Variants in ITPR2 observed in about 807,000 individuals in gnomAD.
ITPR2 encodes inositol 1,4,5-trisphosphate receptor type 2, also known as inositol 1,4,5-trisphosphate-gated calcium channel ITPR2.
Under a neutral mutation model 317.1 loss-of-function variants are expected in ITPR2, and 207 were observed. The observed-to-expected ratio is 0.65, with a 90% CI of 0.58 to 0.73. The LOEUF (loss-of-function observed/expected upper bound fraction) is 0.73. ITPR2 is among the 30% of genes least tolerant of loss of function. The probability of loss-of-function intolerance (pLI) is 0.00; values close to 1 mark genes in which losing one functional copy is unlikely to be tolerated. For missense variants in ITPR2, 2,613 were observed against 3,284.0 expected (o/e 0.80, Z 4.99); for synonymous variants, 1,156 against 1,149.1 (o/e 1.01, Z -0.12).
intron 14 of ITPR2, 122 bp downstream of exon 14, chr12:26,665,788 G>A: frequency 4.7e-6 from 4 of 844,116 alleles, no homozygotes; most frequent in Non-Finnish European, 7.3e-6. Context: ...GAAGTATCTT[G>A]TTTTCAGCCA....
intron 8 of ITPR2, among the ~76,000 whole-genome samples, chr12:26,711,484 T>G (rs1055559882): frequency 3.3e-5 from 5 of 152,190 alleles, no homozygotes; most frequent in Non-Finnish European, 7.4e-5. Flanking sequence ...ATGACACTTG[T>G]GCCTTACATC....
In ITPR2 at chr12:26,424,776, TTGAAACAG is replaced by T. The variant is rs1008930610; in HGVS notation, c.6945+3129_6945+3136del. 1.4e-3 allele frequency among the ~76,000 whole-genome samples: 212 copies of T among 151,722 alleles called. 2 individuals are homozygous for T. The highest frequency in any genetic ancestry group is 7.4e-4 in the Non-Finnish European group (50 of 67,834). Reference sequence around the variant, plus strand: ...AGCTAATTTTTGTTTTGTTTTGTTTTTGAAACAGAATCCCATTTTGTCACCCAGGCAGT... The same window carrying T: ...AGCTAATTTTTGTTTTGTTTTGTTTTAATCCCATTTTGTCACCCAGGCAGT... On this transcript the variant is annotated intron_variant, in intron 49 of 56. Transcript: ENST00000381340.
intron 34 of ITPR2, among the ~76,000 whole-genome samples, chr12:26,578,207 C>A (rs1309975303): frequency 2.0e-5 from 3 of 151,842 alleles, no homozygotes; most frequent in African/African-American, 7.3e-5. Flanking sequence ...CACCCCACCC[C>A]CATACACAGA....
intron 26 of ITPR2, among the ~76,000 whole-genome samples, chr12:26,605,293 T>C (rs1591953583): frequency 2.6e-5 from 4 of 151,870 alleles, no homozygotes; most frequent in South Asian, 4.2e-4. Context: ...AAATAGTTAA[T>C]TGATGAGAAG....
chr12:26,757,995 C>A (rs932248795), intron 2 of ITPR2, among the ~76,000 whole-genome samples: 30 of 152,178 alleles, frequency 2.0e-4, no homozygotes, highest in African/African-American at 7.2e-4. Flanking sequence ...AATTTGAATT[C>A]TAAGGAATAG....
intron 32 of ITPR2, among the ~76,000 whole-genome samples, chr12:26,591,896 G>A (rs1945718605): frequency 6.6e-6 from 1 of 151,576 alleles, no homozygotes; most frequent in South Asian, 2.1e-4. Flanking sequence ...TCTCACTTCT[G>A]GATATATTCC....
chr12:26,669,912 G>T (rs1052970613), intron 13 of ITPR2, among the ~76,000 whole-genome samples: 1 of 152,242 alleles, frequency 6.6e-6, no homozygotes, highest in East Asian at 1.9e-4. Context: ...CACATGGCTG[G>T]GAGGGTCCTA....
At chr12:26,811,853 G>GA (rs35083731) in intron 1 of ITPR2, among the ~76,000 whole-genome samples, 1,497 of 71,768 alleles carry the variant, frequency 0.021, 27 homozygotes, top group African/African-American at 0.047. Flanking sequence ...GACTCCGTCT[G>GA]AAAAAAAAAA....
At chr12:26,402,674 C>G (rs12316095) in intron 52 of ITPR2, among the ~76,000 whole-genome samples, 5,586 of 152,296 alleles carry the variant, frequency 0.037, 304 homozygotes, top group African/African-American at 0.13. Context: ...AATCAGTACA[C>G]ATGCATGCTG....
intron 55 of ITPR2, among the ~76,000 whole-genome samples, chr12:26,359,776 C>T (rs1938763185): frequency 6.6e-6 from 1 of 151,988 alleles, no homozygotes; most frequent in African/African-American, 2.4e-5. Flanking sequence ...CCAGAGTTAA[C>T]ACATTTTCAG....
At chr12:26,733,450 G>T (rs1359311378) in intron 2 of ITPR2, among the ~76,000 whole-genome samples, 5 of 151,720 alleles carry the variant, frequency 3.3e-5, no homozygotes, top group Admixed American at 3.3e-4. Flanking sequence ...ATATTATCAA[G>T]ATACATATAC....
chr12:26,753,232 G>A (rs910290865), intron 2 of ITPR2, among the ~76,000 whole-genome samples: 1 of 152,098 alleles, frequency 6.6e-6, no homozygotes, highest in Non-Finnish European at 1.5e-5. Flanking sequence ...TAAGACTTAG[G>A]GGGTTAAAGG....
At chr12:26,695,553 T>G in intron 10 of ITPR2, 53 bp downstream of exon 10, 1 of 1,473,164 alleles carries the variant, frequency 6.8e-7, no homozygotes, top group Admixed American at 1.7e-5. Context: ...TCTATCCATA[T>G]AAAATAATAA....
chr12:26,811,602 G>T (rs1950749374), intron 1 of ITPR2, among the ~76,000 whole-genome samples: 1 of 151,444 alleles, frequency 6.6e-6, no homozygotes, highest in Non-Finnish European at 1.5e-5. Flanking sequence ...CAGGAGAATG[G>T]CATGAACCCG....
At position 26,600,049 on chromosome 12, in the gene ITPR2, G is replaced by A. The variant is rs1351836294; in HGVS notation, c.3739C>T (p.Arg1247Ter). The change falls in exon 29 of 57, where the codon CGA (arginine) becomes TGA (stop). Residue 1247 changes from arginine (R) to a stop codon, truncating the protein, a stop_gained. Transcript: ENST00000381340. LOFTEE classifies it high-confidence loss of function. ...LAHTFLQNFC[R>*]GNPQNQVLLH... Reference sequence around the variant, plus strand: ...AGAACTTGATTCTGTGGATTTCCTCGACAGAAATTCTGCAGAAATGTATGG... The same window carrying A: ...AGAACTTGATTCTGTGGATTTCCTCAACAGAAATTCTGCAGAAATGTATGG... 3 of 1,603,744 alleles carry A rather than the reference G, an allele frequency of 1.9e-6. No homozygotes were observed. Among genetic ancestry groups the A allele is most frequent in the East Asian group, 2.2e-5 (1 of 44,766 alleles).
At position 26,556,260 on chromosome 12, in the gene ITPR2, C is replaced by A; in HGVS notation, c.4937G>T (p.Arg1646Ile). ...CGACATGAAAGCGCCACATCTTATTCTTGCATCGCTTCCCTCAGGGAACAG... is the reference window on the plus strand; with the variant it reads ...CGACATGAAAGCGCCACATCTTATTATTGCATCGCTTCCCTCAGGGAACAG... ...ELLFPEGSDA[R>I]IRCGAFMSKL... is the part of the protein sequence containing the mutation. The change falls in exon 36 of 57, where the codon AGA becomes ATA. Residue 1646 changes from arginine to isoleucine, a missense_variant. Arg to Ile is a moderately conservative substitution (Grantham distance 97). Around this residue, in one of 9 missense-constraint regions of ITPR2, gnomAD observed 926 missense variants for 1,072.8 expected, o/e 0.86. Transcript: ENST00000381340. 1 of 1,613,802 alleles carries A rather than the reference C, an allele frequency of 6.2e-7. No homozygotes were observed. The highest frequency in any genetic ancestry group is 1.1e-5 in the South Asian group (1 of 90,974).
intron 49 of ITPR2, among the ~76,000 whole-genome samples, chr12:26,422,089 T>A (rs1213656104): frequency 6.6e-6 from 1 of 150,858 alleles, no homozygotes; most frequent in African/African-American, 2.4e-5. Flanking sequence ...TTGCTAATTA[T>A]TTATGAAATT....
intron 2 of ITPR2, among the ~76,000 whole-genome samples, chr12:26,737,616 T>C (rs971712234): frequency 2.6e-5 from 4 of 152,130 alleles, no homozygotes; most frequent in Non-Finnish European, 4.4e-5. Context: ...GGAGTTCATG[T>C]TGTGCATTTA....
chr12:26,577,507 A>T (rs1157610412), intron 34 of ITPR2, among the ~76,000 whole-genome samples: 4 of 152,146 alleles, frequency 2.6e-5, no homozygotes, highest in African/African-American at 9.7e-5. Flanking sequence ...TTACCCTTAG[A>T]TGTTTAATGT....
Sources: allele counts gnomAD v4.1 joint callset (sites outside exome capture counted in the v4.1 genomes callset), GRCh38; gene constraint gnomAD v4.1.1; regional missense constraint gnomAD v4.1.1; transcripts MANE v1.5; gene names NCBI Gene and HGNC (gene_info 2026-07-23, HGNC 2026-07-21).